JAKMIP1: variants seen among roughly 807,000 people sequenced by gnomAD.
JAKMIP1 encodes janus kinase and microtubule interacting protein 1.
JAKMIP1 carries 33 observed loss-of-function variants against 113.0 expected under a neutral mutation model. The ratio of observed to expected loss-of-function variants is 0.29; its 90% CI spans 0.22 to 0.39. JAKMIP1 has a LOEUF of 0.39. JAKMIP1 is among the 10% of genes least tolerant of loss of function. The pLI is 1.00. For missense variants in JAKMIP1, 813 were observed against 1,080.5 expected (o/e 0.75, Z 3.47); for synonymous variants, 480 against 459.9 (o/e 1.04, Z -0.56).
At chr4:6,073,225 C>T (rs2108807034) in intron 8 of JAKMIP1, among the ~76,000 whole-genome samples, 1 of 152,188 alleles carries the variant, frequency 6.6e-6, no homozygotes, top group South Asian at 2.1e-4. Flanking sequence ...GGCTTGGCCT[C>T]AGGGGCGTGG....
At chr4:6,036,136 G>T in intron 18 of JAKMIP1, 29 bp from the exon 19 acceptor site, 1 of 1,504,334 alleles carries the variant, frequency 6.6e-7, no homozygotes, top group Non-Finnish European at 9.0e-7. Context: ...ACAGACAGAG[G>T]AAGGTCACAA....
rs1260667142 is a variant in JAKMIP1 at position 6,108,726 on chromosome 4, G to A, written c.130-2759C>T. 1.3e-5 allele frequency among the ~76,000 whole-genome samples: 2 copies of A among 152,182 alleles called. No homozygotes were observed. The highest frequency in any genetic ancestry group is 2.9e-5 in the Non-Finnish European group (2 of 68,038). ...TCTGAAACCATCATACATGTATAGT[G>A]TTGAACAAAGAAAGTGGATGGCAGA... is the stretch of plus-strand genomic sequence containing the variant. On this transcript the variant is annotated intron_variant, in intron 2 of 20. Transcript: ENST00000409021. This position sits in a 1 kb window ranked among gnomAD's most constrained non-coding sequence, Gnocchi z 5.6.
intron 1 of JAKMIP1, among the ~76,000 whole-genome samples, chr4:6,170,011 CT>C (rs1560314432): frequency 4.0e-5 from 4 of 100,160 alleles, no homozygotes; most frequent in East Asian, 3.0e-4. Context: ...CACCACCACC[CT>C]CACCACCACC....
intron 19 of JAKMIP1, among the ~76,000 whole-genome samples, chr4:6,034,108 A>G (rs754835479): frequency 3.0e-5 from 3 of 100,466 alleles, no homozygotes; most frequent in Non-Finnish European, 5.7e-5. Context: ...GGCTCATTAC[A>G]ACCACTGTTC....
At chr4:6,078,564 C>T (rs1384247898) in intron 8 of JAKMIP1, among the ~76,000 whole-genome samples, 3 of 151,494 alleles carry the variant, frequency 2.0e-5, no homozygotes, top group Admixed American at 1.3e-4. Flanking sequence ...TGCATGATTC[C>T]AAAAAAACAC....
In JAKMIP1 at chr4:6,183,165, AG is replaced by A. The variant is rs1176869238; in HGVS notation, c.-148+17087del. On this transcript the variant is annotated intron_variant, in intron 1 of 20. Coordinates refer to ENST00000409021, the MANE Select transcript of JAKMIP1 (RefSeq NM_001099433.2). This position sits in a 1 kb window ranked among gnomAD's most constrained non-coding sequence, Gnocchi z 5.3. ...ACACACAGATACAGGTGCCCTGCGA[AG>A]GGGTGCTGGCTGATGTCTAAAATGG... 6.6e-6 allele frequency among the ~76,000 whole-genome samples: 1 copy of A among 152,188 alleles called. No individual in the cohort carries two copies. The highest frequency in any genetic ancestry group is 6.6e-5 in the Admixed American group (1 of 15,266).
intron 12 of JAKMIP1, 78 bp from the exon 13 acceptor site, chr4:6,054,226 T>A: frequency 1.4e-6 from 2 of 1,435,788 alleles, no homozygotes; most frequent in South Asian, 2.4e-5. Context: ...CCTGACTGAG[T>A]GGCTGGAGGG....
rs1031390102 is a variant in JAKMIP1, at chr4:6,184,393, C to T, written c.-148+15860G>A. ...GCCCACTGCTGGTTTTCAGACTCTG[C>T]CGCCTTCCCTCCTTTCCTAGAAATG... On this transcript the variant is annotated intron_variant, in intron 1 of 20. Coordinates refer to ENST00000409021, the MANE Select transcript of JAKMIP1 (RefSeq NM_001099433.2). The surrounding 1 kb of genome is among the most constrained non-coding windows in gnomAD (Gnocchi z 4.5). 1.1e-4 allele frequency among the ~76,000 whole-genome samples: 17 copies of T among 152,182 alleles called. No homozygotes were observed. Among genetic ancestry groups the T allele is most frequent in the Non-Finnish European group, 1.3e-4 (9 of 68,030 alleles).
Position 6,108,336 on chromosome 4 carries a change from T to C in JAKMIP1, c.130-2369A>G, listed in dbSNP as rs983764188. 6.6e-6 allele frequency among the ~76,000 whole-genome samples: 1 copy of C among 151,980 alleles called. No individual in the cohort carries two copies. The highest frequency in any genetic ancestry group is 1.5e-5 in the Non-Finnish European group (1 of 67,992). Reference sequence around the variant, plus strand: ...AAAAAAAGCCGCCCAGCACTTTACCTCCAGGTGCCTCCAAGCTACCCCAAG... The same window carrying C: ...AAAAAAAGCCGCCCAGCACTTTACCCCCAGGTGCCTCCAAGCTACCCCAAG... On this transcript the variant is annotated intron_variant, in intron 2 of 20. Transcript: ENST00000409021. This position sits in a 1 kb window ranked among gnomAD's most constrained non-coding sequence, Gnocchi z 5.6.
intron 2 of JAKMIP1, among the ~76,000 whole-genome samples, chr4:6,107,312 T>C (rs1714120660): frequency 6.6e-6 from 1 of 152,112 alleles, no homozygotes; most frequent in Admixed American, 6.5e-5. Flanking sequence ...GCCAGCAGGG[T>C]CAGATCCAAT....
chr4:6,035,793 A>G (rs189531483), intron 19 of JAKMIP1, 111 bp downstream of exon 19: 4 of 918,480 alleles, frequency 4.4e-6, no homozygotes, highest in East Asian at 2.7e-5. Flanking sequence ...TTTACCACCA[A>G]CTCTCCCTGG....
In JAKMIP1 at chr4:6,141,614, G is replaced by A. The variant is rs1228342612; in HGVS notation, c.-147-28617C>T. Among the ~76,000 whole-genome samples the A allele has an allele frequency of 2.0e-5, 3 of 152,216 alleles. No individual in the cohort carries two copies. Among genetic ancestry groups the A allele is most frequent in the Admixed American group, 6.5e-5 (1 of 15,284 alleles). Reference sequence around the variant, plus strand: ...ATGCCCCAGGGCCTGGCCTGTGAATGCCCTTTCTCCTCCACTCCCAAATCC... The same window carrying A: ...ATGCCCCAGGGCCTGGCCTGTGAATACCCTTTCTCCTCCACTCCCAAATCC... On this transcript the variant is annotated intron_variant, in intron 1 of 20. Coordinates refer to ENST00000409021, the MANE Select transcript of JAKMIP1 (RefSeq NM_001099433.2). This position sits in a 1 kb window ranked among gnomAD's most constrained non-coding sequence, Gnocchi z 9.4.
At chr4:6,152,572 T>C (rs1721702125) in intron 1 of JAKMIP1, among the ~76,000 whole-genome samples, 1 of 152,114 alleles carries the variant, frequency 6.6e-6, no homozygotes, top group African/African-American at 2.4e-5. Flanking sequence ...TTAACCCCTA[T>C]ATTTAAACAC....
intron 1 of JAKMIP1, among the ~76,000 whole-genome samples, chr4:6,120,929 AGTGCTCACACCT>A (rs1312666050): frequency 1.3e-5 from 2 of 152,088 alleles, no homozygotes; most frequent in East Asian, 3.9e-4. Context: ...GGCCGGGCAC[AGTGCTCACACCT>A]GTAATCCCAG....
rs949278395 is a variant in JAKMIP1, at chr4:6,169,166, G to C, written c.-148+31087C>G. On this transcript the variant is annotated intron_variant, in intron 1 of 20. Coordinates refer to ENST00000409021, the MANE Select transcript of JAKMIP1 (RefSeq NM_001099433.2). ...TCAGTAACGCTATTGTTTTAAAAAT[G>C]TTCATGTATTGGGTTGAATAGTGCT... Among the ~76,000 whole-genome samples, 4 of 152,284 alleles carry C rather than the reference G, an allele frequency of 2.6e-5. No homozygotes were observed. The South Asian group carries it at 8.3e-4, about 32-fold the overall frequency.
rs1228441178 is a variant in JAKMIP1, at chr4:6,139,176, C to T, written c.-147-26179G>A. Among the ~76,000 whole-genome samples the T allele has an allele frequency of 6.6e-6, 1 of 150,686 alleles. No individual in the cohort carries two copies. The highest frequency in any genetic ancestry group is 1.5e-5 in the Non-Finnish European group (1 of 67,706). Reference sequence around the variant, plus strand: ...CCCCACTTTCCCCCTGAATTTTAACCTGCTTTGGGAGGGTTCCCATGGGCT... The same window carrying T: ...CCCCACTTTCCCCCTGAATTTTAACTTGCTTTGGGAGGGTTCCCATGGGCT... On this transcript the variant is annotated intron_variant, in intron 1 of 20. Transcript: ENST00000409021. This position sits in a 1 kb window ranked among gnomAD's most constrained non-coding sequence, Gnocchi z 5.2.
rs1240295312 is a variant in JAKMIP1, at chr4:6,089,149, T to C, written c.625-3520A>G. Among the ~76,000 whole-genome samples the C allele has an allele frequency of 1.3e-5, 2 of 152,156 alleles. No individual in the cohort carries two copies. The highest frequency in any genetic ancestry group is 4.8e-5 in the African/African-American group (2 of 41,426). On this transcript the variant is annotated intron_variant, in intron 3 of 20. Transcript: ENST00000409021. The surrounding 1 kb of genome is among the most constrained non-coding windows in gnomAD (Gnocchi z 5.3). ...GTGGTGGCATCCCCCCAGCACAGCA[T>C]GAGAGCCCACAGCCTGGGAATGACA...
chr4:6,170,652 C>A (rs1189610544), intron 1 of JAKMIP1, among the ~76,000 whole-genome samples: 2 of 150,572 alleles, frequency 1.3e-5, no homozygotes, highest in Admixed American at 6.6e-5. Flanking sequence ...CTACCATTAC[C>A]ACCACCAATC....
chr4:6,087,387 A>G (rs1721455072), intron 3 of JAKMIP1, among the ~76,000 whole-genome samples: 2 of 152,228 alleles, frequency 1.3e-5, no homozygotes, highest in Non-Finnish European at 2.9e-5. Flanking sequence ...GAGGAGCTTT[A>G]GAGCAACCAT....
Sources: allele counts gnomAD v4.1 joint callset (sites outside exome capture counted in the v4.1 genomes callset), GRCh38; gene constraint gnomAD v4.1.1; non-coding constraint Gnocchi (gnomAD v3.1); transcripts MANE v1.5; gene names NCBI Gene and HGNC (gene_info 2026-07-23, HGNC 2026-07-21).